ITGAV: variants seen among roughly 807,000 people sequenced by gnomAD.
ITGAV encodes integrin alpha-V.
In ITGAV, 76 loss-of-function variants were observed where a neutral mutation model predicts 143.8. The ratio of observed to expected loss-of-function variants is 0.53; its 90% CI spans 0.44 to 0.64. The LOEUF is 0.64. Among genes scored for constraint, ITGAV ranks in the 30% least tolerant of loss-of-function variants. The pLI is 0.00. For synonymous variants in ITGAV, 453 were observed against 446.7 expected (o/e 1.01, Z -0.18); for missense variants, 1,193 against 1,274.7 (o/e 0.94, Z 0.98).
At chr2:186,622,678 C>G (rs1261573750) in intron 3 of ITGAV, among the ~76,000 whole-genome samples, 1 of 152,162 alleles carries the variant, frequency 6.6e-6, no homozygotes, top group African/African-American at 2.4e-5. Flanking sequence ...TTGACAGTTC[C>G]TATCAGTTTA....
At chr2:186,607,245 T>C (rs1235878731) in intron 2 of ITGAV, among the ~76,000 whole-genome samples, 1 of 152,176 alleles carries the variant, frequency 6.6e-6, no homozygotes, top group Admixed American at 6.5e-5. Context: ...TGTCCTCATG[T>C]TTTTAATATT....
At chr2:186,606,419 G>A (rs1338554277) in intron 2 of ITGAV, among the ~76,000 whole-genome samples, 1 of 152,112 alleles carries the variant, frequency 6.6e-6, no homozygotes, top group Non-Finnish European at 1.5e-5. Flanking sequence ...CCATGGGTGT[G>A]GATTACATCG....
chr2:186,662,694 CAGTA>C (rs1688780820), intron 18 of ITGAV, among the ~76,000 whole-genome samples: 1 of 152,058 alleles, frequency 6.6e-6, no homozygotes, highest in Non-Finnish European at 1.5e-5. Context: ...ATTTTGAAGA[CAGTA>C]AGAAACAGAA....
chr2:186,648,787 C>G (rs116557250), intron 13 of ITGAV, among the ~76,000 whole-genome samples: 1,769 of 152,014 alleles, frequency 0.012, 37 homozygotes, highest in African/African-American at 0.04. Flanking sequence ...GCCACCACAC[C>G]CGGCCATCAG....
At chr2:186,648,418 GA>G (rs1344919192) in intron 13 of ITGAV, among the ~76,000 whole-genome samples, 1 of 152,138 alleles carries the variant, frequency 6.6e-6, no homozygotes, top group Non-Finnish European at 1.5e-5. Flanking sequence ...ATAACAGGTG[GA>G]CAGTGTATTT....
Position 186,675,732 on chromosome 2 carries a change from G to A in ITGAV, c.2820+15G>A, listed in dbSNP as rs1309471491. On this transcript the variant is annotated intron_variant, in intron 27 of 29. Transcript: ENST00000261023. ...CTTTTATGAATGTAAGTAGACAGGT[G>A]CAGCATTTAGCAAACATACCCAGTG... 1.3e-6 allele frequency: 2 copies of A among 1,580,194 alleles called. No individual in the cohort carries two copies. Among genetic ancestry groups the A allele is most frequent in the South Asian group, 1.1e-5 (1 of 90,272 alleles).
At chr2:186,600,503 C>T in intron 1 of ITGAV, 1 of 1,312,874 alleles carries the variant, frequency 7.6e-7, no homozygotes, top group Non-Finnish European at 1.0e-6. Context: ...TTTCCCCTCT[C>T]ATCCTTAGAG....
intron 1 of ITGAV, among the ~76,000 whole-genome samples, chr2:186,593,109 G>C (rs1049283778): frequency 5.3e-5 from 8 of 152,126 alleles, no homozygotes; most frequent in African/African-American, 1.7e-4. Context: ...AAAAGTATTT[G>C]TCAATTCAAG....
chr2:186,606,865 A>G (rs1687082027), intron 2 of ITGAV, among the ~76,000 whole-genome samples: 1 of 152,138 alleles, frequency 6.6e-6, no homozygotes. Context: ...CCTATTTGCC[A>G]GCTTCAGGGG....
chr2:186,630,947 C>G, intron 5 of ITGAV, 89 bp downstream of exon 5: 2 of 629,162 alleles, frequency 3.2e-6, no homozygotes, highest in Non-Finnish European at 5.7e-6. Flanking sequence ...ACCTCAACTC[C>G]TTTACAGCTG....
intron 2 of ITGAV, among the ~76,000 whole-genome samples, chr2:186,618,112 A>G (rs1209709129): frequency 2.0e-5 from 3 of 152,174 alleles, no homozygotes; most frequent in African/African-American, 7.2e-5. Flanking sequence ...CATTCTCTTC[A>G]CCCAGTCTAT....
Position 186,590,152 on chromosome 2 carries a change from C to A in ITGAV, c.-187C>A, listed in dbSNP as rs1219817863. 6.6e-6 allele frequency: 3 copies of A among 454,784 alleles called. No homozygotes were observed. The highest frequency in any genetic ancestry group is 6.2e-5 in the African/African-American group (3 of 48,466). The allele number at this position is 454,784 out of a possible 1,614,324, so 28.2% of individuals were successfully genotyped here. A position where few individuals can be genotyped will look rare whatever the true frequency, so the allele number is the denominator to read the frequency against. On this transcript the variant is annotated 5_prime_UTR_variant, in exon 1 of 30. Transcript: ENST00000261023. ...CCCGCCCCGCGCGCTCTGCGCCCCT[C>A]GTCCCTGGCGGTCGCTCCGAAGCTC...
At chr2:186,656,501 G>A in intron 17 of ITGAV, 100 bp downstream of exon 17, 1 of 847,440 alleles carries the variant, frequency 1.2e-6, no homozygotes, top group African/African-American at 1.8e-5. Context: ...AGATCAAAAG[G>A]AAAAACAGAA....
chr2:186,640,301 A>G (rs1688066478), intron 10 of ITGAV, among the ~76,000 whole-genome samples: 1 of 152,156 alleles, frequency 6.6e-6, no homozygotes, highest in South Asian at 2.1e-4. Flanking sequence ...AATAAACCCA[A>G]ACACATTTGT....
At position 186,650,664 on chromosome 2, in the gene ITGAV, G is replaced by A. The variant is rs181808408; in HGVS notation, c.1397+779G>A. On this transcript the variant is annotated intron_variant, in intron 14 of 29. Transcript: ENST00000261023. Reference sequence around the variant, plus strand: ...AGGTCCTAGTGATTCTCGTGCCTCAGCCTCCCGAGTAGCTGGGACTACAGG... The same window carrying A: ...AGGTCCTAGTGATTCTCGTGCCTCAACCTCCCGAGTAGCTGGGACTACAGG... Among the ~76,000 whole-genome samples the A allele has an allele frequency of 2.7e-4, 41 of 151,658 alleles. 1 individual carries two copies. Among genetic ancestry groups the A allele is most frequent in the Middle Eastern group, 3.4e-3 (1 of 294 alleles).
At chr2:186,655,499 A>G (rs550358268) in intron 16 of ITGAV, among the ~76,000 whole-genome samples, 2 of 152,354 alleles carry the variant, frequency 1.3e-5, no homozygotes, top group African/African-American at 4.8e-5. Context: ...GAGAAACGGC[A>G]TGGAGGTCAA....
intron 13 of ITGAV, 43 bp downstream of exon 13, chr2:186,646,920 C>T: frequency 7.7e-7 from 1 of 1,293,744 alleles, no homozygotes; most frequent in Non-Finnish European, 1.1e-6. Context: ...TTTTTCAGTC[C>T]TAATAGCAAA....
chr2:186,646,054 CAG>C (rs1453792950), intron 12 of ITGAV, among the ~76,000 whole-genome samples: 1 of 152,030 alleles, frequency 6.6e-6, no homozygotes, highest in Non-Finnish European at 1.5e-5. Flanking sequence ...GTGGCAGCAG[CAG>C]AGAGAGAAGT....
intron 3 of ITGAV, among the ~76,000 whole-genome samples, chr2:186,625,096 C>T (rs947100038): frequency 4.6e-5 from 7 of 152,026 alleles, no homozygotes; most frequent in Non-Finnish European, 8.8e-5. Context: ...GAAAGTTGGC[C>T]AGGTGTGGTA....
Sources: allele counts gnomAD v4.1 joint callset (sites outside exome capture counted in the v4.1 genomes callset), GRCh38; gene constraint gnomAD v4.1.1; transcripts MANE v1.5; gene names NCBI Gene and HGNC (gene_info 2026-07-23, HGNC 2026-07-21).